TCF7L2: variants seen among roughly 807,000 people sequenced by gnomAD.
The protein encoded by TCF7L2 is transcription factor 7-like 2.
A neutral mutation model predicts 77.9 loss-of-function variants in TCF7L2; 23 were observed. That is an observed-to-expected ratio of 0.30 (90% confidence interval 0.21 to 0.42). The LOEUF is 0.42. Ranked by LOEUF, TCF7L2 falls within the 10% of genes least tolerant of loss-of-function variation. The pLI is 1.00. For synonymous variants in TCF7L2, 413 were observed against 340.2 expected (o/e 1.21, Z -2.36); for missense variants, 654 against 793.1 (o/e 0.82, Z 2.11).
intron 4 of TCF7L2, among the ~76,000 whole-genome samples, chr10:112,991,252 G>C (rs539994782): frequency 6.6e-6 from 1 of 151,892 alleles, no homozygotes; most frequent in African/African-American, 2.4e-5. Context: ...AACCCTGGCC[G>C]GGCGCGGTGG....
chr10:113,028,770 A>G (rs1478536966), intron 4 of TCF7L2, among the ~76,000 whole-genome samples: 1 of 152,184 alleles, frequency 6.6e-6, no homozygotes, highest in Non-Finnish European at 1.5e-5. Context: ...AAGCCTTGAG[A>G]GCTCCCAGCC....
At chr10:113,129,790 A>G in intron 5 of TCF7L2, 1 of 1,272,970 alleles carries the variant, frequency 7.9e-7, no homozygotes, top group Non-Finnish European at 1.0e-6. Flanking sequence ...GGAGGAAGAA[A>G]AACTGGCCCA....
intron 5 of TCF7L2, among the ~76,000 whole-genome samples, chr10:113,099,724 TA>T (rs1488388288): frequency 3.9e-5 from 6 of 152,164 alleles, no homozygotes; most frequent in African/African-American, 1.4e-4. Flanking sequence ...CTGGGGAAGG[TA>T]ACAGCCATCG....
intron 4 of TCF7L2, among the ~76,000 whole-genome samples, chr10:113,006,415 A>G (rs1590309777): frequency 6.6e-6 from 1 of 152,220 alleles, no homozygotes; most frequent in Non-Finnish European, 1.5e-5. Context: ...AGGATCAGGC[A>G]GCAGGGGCCA....
At chr10:112,993,927 T>A (rs1371428255) in intron 4 of TCF7L2, among the ~76,000 whole-genome samples, 6 of 151,970 alleles carry the variant, frequency 3.9e-5, no homozygotes, top group Non-Finnish European at 8.8e-5. Flanking sequence ...TGGTGGCGCA[T>A]GCCTGTAGAC....
rs1409624448 is a variant in TCF7L2, at chr10:113,117,425, CTCT to C, written c.553-23758_553-23756del. Among the ~76,000 whole-genome samples, 25 of 40,718 alleles carry C rather than the reference CTCT, an allele frequency of 6.1e-4. 1 individual carries two copies. The highest frequency in any genetic ancestry group is 9.4e-4 in the Non-Finnish European group (18 of 19,218). The allele number at this position is 40,718 out of a possible 152,430, so 26.7% of individuals were successfully genotyped here. A position where few individuals can be genotyped will look rare whatever the true frequency, so the allele number is the denominator to read the frequency against. On this transcript the variant is annotated intron_variant, in intron 5 of 13. Transcript: ENST00000627217. ...TCTCTCTCTCTCTCTCTCTCTCTCT[CTCT>C]CTCTCCCTCTCTCTCTCTCTCTCTC... is the stretch of plus-strand genomic sequence containing the variant.
intron 5 of TCF7L2, among the ~76,000 whole-genome samples, chr10:113,067,705 A>G (rs1366747431): frequency 6.6e-6 from 1 of 152,208 alleles, no homozygotes. Context: ...TCCTTAGCCC[A>G]GTTAGAAACT....
chr10:113,069,198 G>A (rs1009029617), intron 5 of TCF7L2, among the ~76,000 whole-genome samples: 3 of 151,832 alleles, frequency 2.0e-5, no homozygotes, highest in Non-Finnish European at 2.9e-5. Context: ...GTTGTGTCCA[G>A]CTCAGAGGGT....
At chr10:113,049,292 C>T (rs901605174) in intron 5 of TCF7L2, among the ~76,000 whole-genome samples, 6 of 152,024 alleles carry the variant, frequency 3.9e-5, no homozygotes, top group Admixed American at 2.0e-4. Context: ...TTAGTGCACT[C>T]TCTCCCCAGC....
At chr10:113,073,129 T>TGTGTGTGTGTGTGTGTGTGAGA (rs56927661) in intron 5 of TCF7L2, among the ~76,000 whole-genome samples, 80 of 123,570 alleles carry the variant, frequency 6.5e-4, no homozygotes, top group Admixed American at 2.4e-3. Context: ...TGTGTGTGTG[T>TGTGTGTGTGTGTGTGTGTGAGA]GAGAGAGAGA....
intron 5 of TCF7L2, among the ~76,000 whole-genome samples, chr10:113,081,726 G>C (rs2059331819): frequency 6.6e-6 from 1 of 152,188 alleles, no homozygotes; most frequent in African/African-American, 2.4e-5. Flanking sequence ...AAAACAAATG[G>C]GAGTGATAGC....
intron 5 of TCF7L2, among the ~76,000 whole-genome samples, chr10:113,111,386 A>C (rs1464053703): frequency 6.6e-6 from 1 of 152,216 alleles, no homozygotes; most frequent in African/African-American, 2.4e-5. Flanking sequence ...ATCAGTATTT[A>C]TTGAATCAGT....
chr10:113,007,496 GA>G (rs1314310434), intron 4 of TCF7L2, among the ~76,000 whole-genome samples: 1 of 152,234 alleles, frequency 6.6e-6, no homozygotes, highest in Non-Finnish European at 1.5e-5. Context: ...ACATCAAAAG[GA>G]AGGCTGAGGA....
At chr10:112,999,367 C>T (rs1230839882) in intron 4 of TCF7L2, among the ~76,000 whole-genome samples, 1 of 152,216 alleles carries the variant, frequency 6.6e-6, no homozygotes, top group African/African-American at 2.4e-5. Flanking sequence ...AGGCGTTGGG[C>T]CTGAACAAGT....
chr10:112,990,730 A>C (rs918747790), intron 4 of TCF7L2, among the ~76,000 whole-genome samples: 1 of 152,104 alleles, frequency 6.6e-6, no homozygotes, highest in Non-Finnish European at 1.5e-5. Context: ...AAATAAATAA[A>C]AAATAAAAAA....
At chr10:113,047,018 A>T (rs757238459) in intron 5 of TCF7L2, among the ~76,000 whole-genome samples, 2 of 152,202 alleles carry the variant, frequency 1.3e-5, no homozygotes, top group Non-Finnish European at 2.9e-5. Context: ...TAATGACCAC[A>T]TAACAGTCCA....
chr10:113,019,164 G>A lies in TCF7L2; in HGVS notation c.451-20861G>A, dbSNP rs75474070. 6.8e-4 allele frequency among the ~76,000 whole-genome samples: 103 copies of A among 152,366 alleles called. No homozygotes were observed. The East Asian group carries it at 0.012, about 18-fold the overall frequency. ...GGAAGTCCTCACGGACAGGAATGTC[G>A]TGTGTCTTGGCTTGAGATGTCAAAG... On this transcript the variant is annotated intron_variant, in intron 4 of 13. Transcript: ENST00000627217.
At chr10:112,994,105 T>C (rs1226126932) in intron 4 of TCF7L2, among the ~76,000 whole-genome samples, 3 of 151,474 alleles carry the variant, frequency 2.0e-5, no homozygotes, top group African/African-American at 7.3e-5. Context: ...TTAGAAACCA[T>C]AAAATCCACC....
intron 5 of TCF7L2, among the ~76,000 whole-genome samples, chr10:113,076,924 C>T: frequency 6.6e-6 from 1 of 152,222 alleles, no homozygotes; most frequent in East Asian, 1.9e-4. Flanking sequence ...AATTGTTTAA[C>T]CTGAATTTCA....
Sources: gnomAD v4.1 joint callset for allele counts (sites outside exome capture counted in the v4.1 genomes callset) on GRCh38, gnomAD v4.1.1 for gene constraint, MANE v1.5 for transcripts, NCBI Gene and HGNC (gene_info 2026-07-23, HGNC 2026-07-21) for gene names.